Variants in ACTR3B observed in about 807,000 individuals in gnomAD.
ACTR3B encodes actin related protein 3B, also known as actin-related protein 3B.
In ACTR3B, 8 loss-of-function variants were observed where a neutral mutation model predicts 59.0. The ratio of observed to expected loss-of-function variants is 0.14; its 90% CI spans 0.08 to 0.24. The LOEUF (loss-of-function observed/expected upper bound fraction) is 0.24, where lower values mean the gene tolerates loss of function less well. Among genes scored for constraint, ACTR3B ranks in the 10% least tolerant of loss-of-function variants. The pLI is 1.00. For synonymous variants in ACTR3B, 148 were observed against 197.9 expected, an observed-to-expected ratio of 0.75 and a Z score of 2.12; for missense variants, 245 against 552.3, an observed-to-expected ratio of 0.44 and a Z score of 5.58.
chr7:152,835,586 A>G (rs1377202446), intron 9 of ACTR3B, among the ~76,000 whole-genome samples: 1 of 152,158 alleles, frequency 6.6e-6, no homozygotes, highest in African/African-American at 2.4e-5. Flanking sequence ...TTTTGGGAAA[A>G]TGGCGCTGAC....
In ACTR3B at chr7:152,853,515, G is replaced by A. The variant is rs1205932125; in HGVS notation, c.1099G>A (p.Val367Met). 4 of 1,613,890 alleles carry A rather than the reference G, an allele frequency of 2.5e-6. No homozygotes were observed. The highest frequency in any genetic ancestry group is 3.4e-6 in the Non-Finnish European group (4 of 1,180,002). ...RIKPKPVEVQVVTHHMQRYAV... is the reference protein window; with the variant it reads ...RIKPKPVEVQMVTHHMQRYAV... ...CCAGCCGAAGCCTGTGGAGGTCCAGGTGGTCACGCATCACATGCAGCGCTA... is the reference window on the plus strand; with the variant it reads ...CCAGCCGAAGCCTGTGGAGGTCCAGATGGTCACGCATCACATGCAGCGCTA... Residue 367 changes from valine (V) to methionine (M), a missense_variant, in exon 11 of 12, where the codon GTG becomes ATG. Around this residue, in one of 7 missense-constraint regions of ACTR3B, gnomAD observed 153 missense variants for 266.2 expected, o/e 0.57. Coordinates refer to ENST00000256001, the MANE Select transcript of ACTR3B (RefSeq NM_020445.6).
At chr7:152,834,835 A>T (rs535124389) in intron 9 of ACTR3B, among the ~76,000 whole-genome samples, 2 of 152,334 alleles carry the variant, frequency 1.3e-5, no homozygotes, top group African/African-American at 2.4e-5. Flanking sequence ...AGTGAAGCAG[A>T]TACTTTCTGG....
intron 9 of ACTR3B, among the ~76,000 whole-genome samples, chr7:152,837,061 A>C (rs1797518621): frequency 6.6e-6 from 1 of 152,266 alleles, no homozygotes; most frequent in Non-Finnish European, 1.5e-5. Flanking sequence ...CTGTAGTCTC[A>C]GCTACTTGGG....
chr7:152,851,775 A>T (rs573631213), intron 9 of ACTR3B, among the ~76,000 whole-genome samples: 1 of 151,928 alleles, frequency 6.6e-6, no homozygotes, highest in African/African-American at 2.4e-5. Context: ...ACCAGGGGAG[A>T]GCTGGTGTTA....
chr7:152,826,865 C>T (rs1313068467), intron 9 of ACTR3B, among the ~76,000 whole-genome samples: 23 of 150,242 alleles, frequency 1.5e-4, no homozygotes, highest in Non-Finnish European at 1.9e-4. Context: ...TGGCGAAAGG[C>T]GCCTGGGTTA....
chr7:152,779,530 C>T (rs1230471740), intron 1 of ACTR3B, among the ~76,000 whole-genome samples: 2 of 152,326 alleles, frequency 1.3e-5, no homozygotes, highest in East Asian at 1.9e-4. Context: ...TACATTGTTA[C>T]TAGCTAGTAA....
chr7:152,794,008 CAT>C (rs1468646981), intron 2 of ACTR3B, among the ~76,000 whole-genome samples: 1 of 151,744 alleles, frequency 6.6e-6, no homozygotes, highest in African/African-American at 2.4e-5. Flanking sequence ...GCTTGGGTGA[CAT>C]AGATTATTTA....
At chr7:152,788,992 A>C (rs2098184348) in intron 2 of ACTR3B, among the ~76,000 whole-genome samples, 1 of 152,142 alleles carries the variant, frequency 6.6e-6, no homozygotes, top group African/African-American at 2.4e-5. Context: ...ACCGCACTCC[A>C]GCCTGGGCAG....
In ACTR3B at chr7:152,763,978, T is replaced by G. The variant is rs183478379; in HGVS notation, c.44+4052T>G. Among the ~76,000 whole-genome samples, 205 of 152,202 alleles carry G rather than the reference T, an allele frequency of 1.3e-3. 2 individuals are homozygous for G. The highest frequency in any genetic ancestry group is 4.8e-3 in the African/African-American group (201 of 41,518). ...CCCAGATTTTGCCAAGTGAAGCTCA[T>G]TCAGGCTGACTCCCATGTTCTTTAT... On this transcript the variant is annotated intron_variant, in intron 1 of 11. Transcript: ENST00000256001.
At chr7:152,765,378 A>G (rs1038792582) in intron 1 of ACTR3B, among the ~76,000 whole-genome samples, 5 of 150,862 alleles carry the variant, frequency 3.3e-5, no homozygotes, top group African/African-American at 4.9e-5. Context: ...GGGCCTCCCA[A>G]AGTGCTGAGA....
chr7:152,835,115 G>A (rs559086597), intron 9 of ACTR3B, among the ~76,000 whole-genome samples: 10 of 152,286 alleles, frequency 6.6e-5, no homozygotes, highest in African/African-American at 2.2e-4. Context: ...GTTTTGAGCA[G>A]TATTATTTTT....
At chr7:152,832,965 G>A (rs1297612745) in intron 9 of ACTR3B, among the ~76,000 whole-genome samples, 1 of 152,176 alleles carries the variant, frequency 6.6e-6, no homozygotes, top group African/African-American at 2.4e-5. Context: ...CCCTGGCCAA[G>A]TTGACACACA....
At chr7:152,848,388 G>A (rs994158110) in intron 9 of ACTR3B, among the ~76,000 whole-genome samples, 1 of 152,214 alleles carries the variant, frequency 6.6e-6, no homozygotes, top group Admixed American at 6.5e-5. Context: ...GAGCGAGGCT[G>A]GAGGAATCTT....
intron 9 of ACTR3B, among the ~76,000 whole-genome samples, chr7:152,842,348 G>A (rs1797932429): frequency 6.6e-6 from 1 of 152,336 alleles, no homozygotes; most frequent in Middle Eastern, 3.4e-3. Flanking sequence ...TGGACATGCT[G>A]GACAAAGAGA....
chr7:152,792,477 C>T (rs181589739), intron 2 of ACTR3B, among the ~76,000 whole-genome samples: 132 of 151,754 alleles, frequency 8.7e-4, no homozygotes, highest in African/African-American at 2.8e-3. Flanking sequence ...AGGCCGGGCA[C>T]GGTGGCTTAT....
chr7:152,828,191 G>A lies in ACTR3B; in HGVS notation c.951+3069G>A, dbSNP rs147814213. Among the ~76,000 whole-genome samples, 7 of 152,242 alleles carry A rather than the reference G, an allele frequency of 4.6e-5. No individual in the cohort carries two copies. The East Asian group carries it at 9.7e-4, about 21-fold the overall frequency. The stretch of plus-strand genomic sequence containing the variant: ...AATTATCTGCGGACCCTCTTCAGGC[G>A]GGGCATGTTGAGGCGTGGCCTTTGC... On this transcript the variant is annotated intron_variant, in intron 9 of 11. Transcript: ENST00000256001.
intron 9 of ACTR3B, among the ~76,000 whole-genome samples, chr7:152,847,173 C>T (rs1368609548): frequency 1.3e-5 from 2 of 150,096 alleles, no homozygotes; most frequent in African/African-American, 4.9e-5. Flanking sequence ...AGCTCTAGTG[C>T]CCGGGCTGTA....
chr7:152,833,018 A>G (rs538562538), intron 9 of ACTR3B, among the ~76,000 whole-genome samples: 65 of 152,286 alleles, frequency 4.3e-4, no homozygotes, highest in African/African-American at 1.5e-3. Context: ...GCCTGAGAAG[A>G]GAAAGAAAAC....
At chr7:152,786,562 AAAAAAAC>A (rs2098175122) in intron 2 of ACTR3B, 1 of 156,916 alleles carries the variant, frequency 6.4e-6, no homozygotes, top group African/African-American at 2.4e-5. Context: ...CGAAAAAAAA[AAAAAAAC>A]AAAAAACAAA....
Sources: allele counts gnomAD v4.1 joint callset (sites outside exome capture counted in the v4.1 genomes callset), GRCh38; gene constraint gnomAD v4.1.1; regional missense constraint gnomAD v4.1.1; transcripts MANE v1.5; gene names NCBI Gene and HGNC (gene_info 2026-07-23, HGNC 2026-07-21).